Variants in RIT2 observed in about 807,000 individuals in gnomAD.
RIT2 encodes the protein GTP-binding protein Rit2.
A neutral mutation model predicts 23.7 loss-of-function variants in RIT2; 24 were observed. The observed-to-expected ratio is 1.01, with a 90% CI of 0.73 to 1.43. The LOEUF (loss-of-function observed/expected upper bound fraction) is 1.43, where lower values mean the gene tolerates loss of function less well. Among genes scored for constraint, RIT2 ranks in the 40% most tolerant of loss-of-function variants. The pLI is 0.00. For synonymous variants in RIT2, 107 were observed against 91.1 expected (o/e 1.17, Z -0.99); for missense variants, 236 against 266.9 (o/e 0.88, Z 0.81).
At chr18:43,075,039 C>T (rs564812444) in intron 1 of RIT2, among the ~76,000 whole-genome samples, 38 of 151,806 alleles carry the variant, frequency 2.5e-4, no homozygotes, top group Non-Finnish European at 2.1e-4. Flanking sequence ...TGCACATGTA[C>T]CCTGGAACTT....
chr18:43,017,615 T>C (rs1911503704), intron 2 of RIT2, among the ~76,000 whole-genome samples: 1 of 152,022 alleles, frequency 6.6e-6, no homozygotes, highest in Admixed American at 6.6e-5. Context: ...TTAGCAGTAG[T>C]AGTTAGTATT....
chr18:43,037,099 C>A (rs1911999190), intron 1 of RIT2, among the ~76,000 whole-genome samples: 3 of 152,126 alleles, frequency 2.0e-5, no homozygotes, highest in Admixed American at 2.0e-4. Flanking sequence ...TTTATAATAT[C>A]TTAATACATT....
intron 1 of RIT2, among the ~76,000 whole-genome samples, chr18:43,085,748 T>C (rs12457332): frequency 0.13 from 19,205 of 152,112 alleles, 1,382 homozygotes; most frequent in African/African-American, 0.18. Context: ...GTGTCCCCAC[T>C]CAAATCTCAT....
chr18:42,801,759 T>C (rs1905545387), intron 4 of RIT2, among the ~76,000 whole-genome samples: 1 of 152,212 alleles, frequency 6.6e-6, no homozygotes, highest in Non-Finnish European at 1.5e-5. Flanking sequence ...CTTTCTTTCA[T>C]ACCCATCTCC....
chr18:42,930,429 C>T (rs1340782449), intron 3 of RIT2, among the ~76,000 whole-genome samples: 2 of 151,928 alleles, frequency 1.3e-5, no homozygotes, highest in Admixed American at 1.3e-4. Context: ...ACGTATCTCA[C>T]ATTAGATATA....
intron 2 of RIT2, among the ~76,000 whole-genome samples, chr18:42,983,045 G>A (rs913789140): frequency 6.6e-6 from 1 of 151,818 alleles, no homozygotes; most frequent in African/African-American, 2.4e-5. Flanking sequence ...TGAATAGAAA[G>A]GAATAGGAAT....
intron 1 of RIT2, among the ~76,000 whole-genome samples, chr18:43,045,156 A>C (rs942845033): frequency 3.3e-5 from 5 of 152,186 alleles, no homozygotes. Flanking sequence ...AGTGCCCTGC[A>C]TACCTGTGCC....
At chr18:43,079,725 C>T (rs1394995854) in intron 1 of RIT2, among the ~76,000 whole-genome samples, 1 of 152,186 alleles carries the variant, frequency 6.6e-6, no homozygotes, top group Non-Finnish European at 1.5e-5. Flanking sequence ...AAACTGGAGA[C>T]ATACTACATT....
At chr18:42,980,725 C>A (rs372182687) in intron 2 of RIT2, among the ~76,000 whole-genome samples, 5 of 152,202 alleles carry the variant, frequency 3.3e-5, no homozygotes, top group African/African-American at 1.2e-4. Flanking sequence ...GGGGTGTGTC[C>A]TGTGGAGACA....
At chr18:42,800,109 A>C (rs2143960576) in intron 4 of RIT2, among the ~76,000 whole-genome samples, 1 of 152,330 alleles carries the variant, frequency 6.6e-6, no homozygotes, top group East Asian at 1.9e-4. Context: ...AAGAATGGAT[A>C]AATAAATGGC....
At chr18:42,807,994 G>A (rs1412525644) in intron 4 of RIT2, among the ~76,000 whole-genome samples, 1 of 152,168 alleles carries the variant, frequency 6.6e-6, no homozygotes, top group Non-Finnish European at 1.5e-5. Context: ...TGGATGATGT[G>A]TTTGAAAGAG....
chr18:42,963,871 G>C (rs920033133), intron 3 of RIT2, among the ~76,000 whole-genome samples: 6 of 152,090 alleles, frequency 3.9e-5, no homozygotes, highest in African/African-American at 1.4e-4. Flanking sequence ...ACTCCAGCCT[G>C]GGCAATAGAG....
chr18:42,874,651 T>C (rs537272790), intron 4 of RIT2, among the ~76,000 whole-genome samples: 31 of 152,272 alleles, frequency 2.0e-4, no homozygotes, highest in Non-Finnish European at 3.7e-4. Context: ...TCGTATGCAA[T>C]ACATTTCTCC....
intron 3 of RIT2, among the ~76,000 whole-genome samples, chr18:42,964,837 T>A (rs895705227): frequency 6.6e-6 from 1 of 152,228 alleles, no homozygotes. Context: ...GCATCACTAT[T>A]CATGTGTTTT....
At chr18:43,096,332 T>C (rs1913552626) in intron 1 of RIT2, among the ~76,000 whole-genome samples, 2 of 151,882 alleles carry the variant, frequency 1.3e-5, no homozygotes, top group South Asian at 2.1e-4. Flanking sequence ...AACTATCGTC[T>C]TCCTTGTCAG....
At chr18:42,836,965 C>T (rs1906622085) in intron 4 of RIT2, among the ~76,000 whole-genome samples, 1 of 151,954 alleles carries the variant, frequency 6.6e-6, no homozygotes, top group South Asian at 2.1e-4. Flanking sequence ...TTCACTAATG[C>T]ATAATTTTTC....
At chr18:42,955,990 A>G (rs758479117) in intron 3 of RIT2, among the ~76,000 whole-genome samples, 3 of 152,136 alleles carry the variant, frequency 2.0e-5, no homozygotes, top group Non-Finnish European at 2.9e-5. Context: ...TTCACTTAGC[A>G]TAATGTTTTC....
intron 4 of RIT2, among the ~76,000 whole-genome samples, chr18:42,818,714 C>G (rs879638443): frequency 2.0e-5 from 3 of 152,014 alleles, no homozygotes; most frequent in African/African-American, 7.2e-5. Context: ...TCAGAAGACA[C>G]AGTCAATATA....
chr18:42,927,369 G>GGTGT (rs60819423), intron 3 of RIT2, among the ~76,000 whole-genome samples: 1,760 of 147,930 alleles, frequency 0.012, 25 homozygotes, highest in African/African-American at 0.029. Context: ...ATGTGGATGT[G>GGTGT]GTGTGTGTGT....
Sources: gnomAD v4.1 joint callset for allele counts (sites outside exome capture counted in the v4.1 genomes callset) on GRCh38, gnomAD v4.1.1 for gene constraint, MANE v1.5 for transcripts, NCBI Gene and HGNC (gene_info 2026-07-23, HGNC 2026-07-21) for gene names.